RAD51B: variants seen among roughly 807,000 people sequenced by gnomAD.
RAD51B encodes RAD51 paralog B.
In RAD51B, 38 loss-of-function variants were observed where a neutral mutation model predicts 42.2. The observed-to-expected ratio is 0.90, with a 90% CI of 0.70 to 1.18. RAD51B has a LOEUF of 1.18. RAD51B is among the 50% of genes most tolerant of loss of function. The pLI, the probability that RAD51B is intolerant of heterozygous loss-of-function variation, is 0.00. For synonymous variants in RAD51B, 154 were observed against 145.2 expected, an observed-to-expected ratio of 1.06 and a Z score of -0.43; for missense variants, 373 against 400.7, an observed-to-expected ratio of 0.93 and a Z score of 0.59.
At chr14:67,974,995 C>T (rs1045976149) in intron 7 of RAD51B, among the ~76,000 whole-genome samples, 4 of 152,108 alleles carry the variant, frequency 2.6e-5, no homozygotes, top group Admixed American at 2.6e-4. Flanking sequence ...TTCTCTCCCA[C>T]TTTTGGAGAG....
At chr14:68,505,172 T>TGGAGGGAGCACGA (rs1566917676) in intron 10 of RAD51B, among the ~76,000 whole-genome samples, 1 of 152,214 alleles carries the variant, frequency 6.6e-6, no homozygotes, top group Non-Finnish European at 1.5e-5. Context: ...GAAGTATAGA[T>TGGAGGGAGCACGA]GGAGGGAGCA....
At chr14:68,547,548 C>T (rs1594961859) in intron 10 of RAD51B, among the ~76,000 whole-genome samples, 1 of 152,214 alleles carries the variant, frequency 6.6e-6, no homozygotes, top group Non-Finnish European at 1.5e-5. Flanking sequence ...GGGAGCATCA[C>T]GGAATCTAAG....
In RAD51B at chr14:67,834,050, G is replaced by A. The variant is rs2041147184; in HGVS notation, c.199-1030G>A. The stretch of plus-strand genomic sequence containing the variant: ...CAGAAATTTATTCTCTTACAGTTTT[G>A]GAGTTCAGAGGTTCAAAATTAAGGT... On this transcript the variant is annotated intron_variant, in intron 3 of 10. Coordinates refer to ENST00000471583, the MANE Select transcript of RAD51B (RefSeq NM_133510.4). Among the ~76,000 whole-genome samples the A allele has an allele frequency of 3.3e-5, 5 of 152,282 alleles. No individual in the cohort carries two copies. In the South Asian group the frequency reaches 1.0e-3, roughly 32 times the overall value.
At chr14:67,898,861 A>G (rs1386301233) in intron 7 of RAD51B, among the ~76,000 whole-genome samples, 1 of 152,220 alleles carries the variant, frequency 6.6e-6, no homozygotes, top group Non-Finnish European at 1.5e-5. Context: ...GTAAAACATA[A>G]CAGCTGTGGT....
chr14:68,288,892 A>T (rs1011829365), intron 7 of RAD51B, among the ~76,000 whole-genome samples: 10 of 152,052 alleles, frequency 6.6e-5, no homozygotes, highest in South Asian at 6.2e-4. Context: ...GAAGTTCCAC[A>T]TTTTTTTTAA....
chr14:67,901,275 T>C (rs1235936860), intron 7 of RAD51B, among the ~76,000 whole-genome samples: 3 of 152,206 alleles, frequency 2.0e-5, no homozygotes, highest in African/African-American at 4.8e-5. Flanking sequence ...GCGAATGTCA[T>C]GTTAATGGCA....
chr14:68,511,240 G>T (rs1414952336), intron 10 of RAD51B, among the ~76,000 whole-genome samples: 9 of 152,206 alleles, frequency 5.9e-5, no homozygotes, highest in Admixed American at 2.0e-4. Flanking sequence ...ATCCGGGCCA[G>T]CCTGGGCATT....
chr14:68,349,532 A>G (rs1436704007), intron 8 of RAD51B, among the ~76,000 whole-genome samples: 1 of 152,020 alleles, frequency 6.6e-6, no homozygotes, highest in Non-Finnish European at 1.5e-5. Flanking sequence ...CGCCCAGCTA[A>G]TTTCTGTATT....
chr14:68,613,689 T>C (rs12586180), downstream of RAD51B, among the ~76,000 whole-genome samples: 89,607 of 151,266 alleles, frequency 0.59, 26,675 homozygotes, highest in South Asian at 0.7. Flanking sequence ...CTCCTGACTT[T>C]GTGATCCACC....
At chr14:68,572,705 G>A (rs1182000578) in intron 10 of RAD51B, among the ~76,000 whole-genome samples, 1 of 152,074 alleles carries the variant, frequency 6.6e-6, no homozygotes, top group Non-Finnish European at 1.5e-5. Flanking sequence ...AGTGGGTCCT[G>A]GCTTCTATCA....
At chr14:68,488,881 T>G (rs992571889) in intron 10 of RAD51B, among the ~76,000 whole-genome samples, 1 of 152,254 alleles carries the variant, frequency 6.6e-6, no homozygotes, top group African/African-American at 2.4e-5. Context: ...GACCTCATGT[T>G]GCCAGAATGT....
At chr14:68,604,185 G>C (rs1201940564) in intron 10 of RAD51B, among the ~76,000 whole-genome samples, 1 of 152,200 alleles carries the variant, frequency 6.6e-6, no homozygotes, top group Admixed American at 6.5e-5. Context: ...GTGCACGCGA[G>C]AGTGGCTGGA....
intron 7 of RAD51B, among the ~76,000 whole-genome samples, chr14:68,137,574 G>A (rs144849577): frequency 6.6e-6 from 1 of 152,036 alleles, no homozygotes; most frequent in African/African-American, 2.4e-5. Context: ...TTGAACATTT[G>A]TTTACTGTCT....
chr14:68,166,736 A>G (rs887765610), intron 7 of RAD51B, among the ~76,000 whole-genome samples: 2 of 152,146 alleles, frequency 1.3e-5, no homozygotes, highest in Non-Finnish European at 2.9e-5. Context: ...CCCCAGACTT[A>G]TTAATCCAGG....
intron 5 of RAD51B, among the ~76,000 whole-genome samples, chr14:67,866,717 G>T (rs2139995504): frequency 6.6e-6 from 1 of 152,274 alleles, no homozygotes; most frequent in South Asian, 2.1e-4. Flanking sequence ...CAGGTGACTT[G>T]TCTGCATTTT....
chr14:68,397,479 G>A (rs568254859), intron 8 of RAD51B, among the ~76,000 whole-genome samples: 38 of 152,332 alleles, frequency 2.5e-4, no homozygotes, highest in African/African-American at 8.7e-4. Context: ...GGACATGCTT[G>A]TGAAGAGATA....
At chr14:68,100,394 C>G (rs1020393922) in intron 7 of RAD51B, among the ~76,000 whole-genome samples, 1 of 152,108 alleles carries the variant, frequency 6.6e-6, no homozygotes, top group African/African-American at 2.4e-5. Context: ...GTTGCCCAGG[C>G]TCTTGAACTC....
chr14:68,445,502 T>C (rs2085401176), intron 9 of RAD51B, among the ~76,000 whole-genome samples: 1 of 152,202 alleles, frequency 6.6e-6, no homozygotes, highest in Non-Finnish European at 1.5e-5. Flanking sequence ...TAAGTACTAT[T>C]ATCCCCATTT....
chr14:67,942,271 CT>C (rs1306401681), intron 7 of RAD51B, among the ~76,000 whole-genome samples: 1 of 152,188 alleles, frequency 6.6e-6, no homozygotes, highest in Non-Finnish European at 1.5e-5. Flanking sequence ...TTTCTCTGAA[CT>C]TTCCTTTTGA....
Sources: gnomAD v4.1 joint callset for allele counts (sites outside exome capture counted in the v4.1 genomes callset) on GRCh38, gnomAD v4.1.1 for gene constraint, MANE v1.5 for transcripts, NCBI Gene and HGNC (gene_info 2026-07-23, HGNC 2026-07-21) for gene names.